Variants in COL27A1 observed in about 807,000 individuals in gnomAD.
The protein encoded by COL27A1 is collagen type XXVII alpha 1 chain, also known as collagen alpha-1(XXVII) chain.
In COL27A1, 106 loss-of-function variants were observed where a neutral mutation model predicts 251.3. That is an observed-to-expected ratio of 0.42 (90% confidence interval 0.36 to 0.50). The LOEUF (loss-of-function observed/expected upper bound fraction) is 0.50. Among genes scored for constraint, COL27A1 ranks in the 20% least tolerant of loss-of-function variants. The probability of loss-of-function intolerance (pLI) is 0.00; values close to 1 mark genes in which losing one functional copy is unlikely to be tolerated. For missense variants in COL27A1, 2,325 were observed against 2,522.8 expected (o/e 0.92, Z 1.68); for synonymous variants, 1,000 against 986.3 (o/e 1.01, Z -0.26).
chr9:114,161,960 G>A lies in COL27A1; in HGVS notation c.63-755G>A, dbSNP rs572942525. ...CTTATTGAATCCTCATGCCCGGCCT[G>A]TGAGATAGGGAATATCAGCCCATGT... On this transcript the variant is annotated intron_variant, in intron 1 of 60. Transcript: ENST00000356083. 4.6e-5 allele frequency among the ~76,000 whole-genome samples: 7 copies of A among 152,358 alleles called. No homozygotes were observed. The South Asian group carries it at 1.5e-3, about 32-fold the overall frequency.
chr9:114,269,948 T>C (rs1385540178), intron 35 of COL27A1, among the ~76,000 whole-genome samples: 1 of 152,154 alleles, frequency 6.6e-6, no homozygotes, highest in African/African-American at 2.4e-5. Context: ...CAAACTTAAT[T>C]TGATGGCCAT....
At chr9:114,162,271 T>C (rs552282163) in intron 1 of COL27A1, among the ~76,000 whole-genome samples, 1 of 151,728 alleles carries the variant, frequency 6.6e-6, no homozygotes. Flanking sequence ...CTGCTGCCCA[T>C]TGGCTGGGGT....
intron 59 of COL27A1, 48 bp downstream of exon 59, chr9:114,307,826 C>G (rs781302579): frequency 2.1e-6 from 3 of 1,414,622 alleles, no homozygotes; most frequent in South Asian, 1.2e-5. Flanking sequence ...GCCTCTATCC[C>G]CAGCCTGCCC....
intron 11 of COL27A1, 42 bp from the exon 12 acceptor site, chr9:114,210,940 C>T (rs745629240): frequency 6.2e-6 from 10 of 1,610,156 alleles, no homozygotes; most frequent in Non-Finnish European, 8.5e-6. Context: ...GCTGTCCCTG[C>T]TGGCATCCTG....
At chr9:114,222,176 G>A (rs1439211008) in intron 13 of COL27A1, 47 bp from the exon 14 acceptor site, 1 of 1,577,884 alleles carries the variant, frequency 6.3e-7, no homozygotes, top group Admixed American at 1.7e-5. Flanking sequence ...GAGGGGCCCT[G>A]GAGGGAGATG....
upstream of COL27A1, among the ~76,000 whole-genome samples, chr9:114,154,497 C>A (rs1359092674): frequency 6.6e-6 from 1 of 151,604 alleles, no homozygotes; most frequent in African/African-American, 2.4e-5. The surrounding 1 kb of genome is among the most constrained non-coding windows in gnomAD (Gnocchi z 5.8). Context: ...TGCACATGTG[C>A]GGTGGGCACT....
At chr9:114,187,197 C>G (rs1250530366) in intron 5 of COL27A1, among the ~76,000 whole-genome samples, 1 of 152,292 alleles carries the variant, frequency 6.6e-6, no homozygotes, top group Non-Finnish European at 1.5e-5. Flanking sequence ...AGGCCCTGTG[C>G]TGGGCACTTG....
intron 32 of COL27A1, among the ~76,000 whole-genome samples, chr9:114,265,883 C>G (rs1834709253): frequency 6.6e-6 from 1 of 152,194 alleles, no homozygotes; most frequent in African/African-American, 2.4e-5. Context: ...CAGGAGGAGG[C>G]AGCAGGCTCC....
At chr9:114,164,337 A>G (rs911582419) in intron 2 of COL27A1, among the ~76,000 whole-genome samples, 1 of 152,216 alleles carries the variant, frequency 6.6e-6, no homozygotes, top group Non-Finnish European at 1.5e-5. Flanking sequence ...GCCCTTTCCT[A>G]TGCCCTGCAG....
intron 58 of COL27A1, chr9:114,307,098 G>C: frequency 5.1e-6 from 1 of 196,094 alleles, no homozygotes; most frequent in South Asian, 9.4e-5. Context: ...TTCTGCCTCA[G>C]ACTTGGTCTG....
At chr9:114,226,903 T>C (rs559852948) in intron 14 of COL27A1, among the ~76,000 whole-genome samples, 1 of 152,144 alleles carries the variant, frequency 6.6e-6, no homozygotes, top group African/African-American at 2.4e-5. Flanking sequence ...ATGGTCAGTG[T>C]CAGAAGGGCC....
At position 114,168,704 on chromosome 9, in the gene COL27A1, A is replaced by G; in HGVS notation, c.1149A>G (p.Lys383=). The G allele has an allele frequency of 6.2e-7, 1 of 1,614,038 alleles. No homozygotes were observed. Among genetic ancestry groups the G allele is most frequent in the Non-Finnish European group, 8.5e-7 (1 of 1,180,016 alleles). ...SAPSTSIVPI[K]SPHPTQKTAP... ...CTTCTACTTCAATTGTGCCCATCAAAAGCCCCCATCCTACCCAGAAAACAG... is the reference window on the plus strand; with the variant it reads ...CTTCTACTTCAATTGTGCCCATCAAGAGCCCCCATCCTACCCAGAAAACAG... The change falls in exon 3 of 61, where the codon AAA becomes AAG. Residue 383 remains lysine, a synonymous_variant. Coordinates refer to ENST00000356083, the MANE Select transcript of COL27A1 (RefSeq NM_032888.4).
intron 59 of COL27A1, among the ~76,000 whole-genome samples, chr9:114,308,935 C>T (rs1490285777): frequency 1.3e-5 from 2 of 152,200 alleles, no homozygotes; most frequent in African/African-American, 4.8e-5. Context: ...GCAAAACCCT[C>T]TCCCTCGCTG....
Position 114,302,067 on chromosome 9 carries a change from A to AG in COL27A1, c.4846-14dup, listed in dbSNP as rs779216056. The stretch of plus-strand genomic sequence containing the variant: ...TGTCCCTGTCATTTGACTGACCCGC[A>AG]GTCTTCTTTTGCAGGGTCCTCCAGG... On this transcript the variant is annotated splice_polypyrimidine_tract_variant and intron_variant, in intron 55 of 60. Transcript: ENST00000356083. 8.1e-5 allele frequency: 130 copies of AG among 1,610,462 alleles called. No individual in the cohort carries two copies. Among genetic ancestry groups the AG allele is most frequent in the Non-Finnish European group, 1.1e-4 (128 of 1,177,026 alleles).
intron 38 of COL27A1, 43 bp downstream of exon 38, chr9:114,282,373 C>G (rs757859284): frequency 1.9e-6 from 3 of 1,611,710 alleles, no homozygotes; most frequent in South Asian, 1.1e-5. Context: ...GTCCCTCCCC[C>G]GCATCCCTTC....
intron 32 of COL27A1, among the ~76,000 whole-genome samples, chr9:114,265,813 G>C (rs1424298981): frequency 6.6e-6 from 1 of 152,242 alleles, no homozygotes; most frequent in African/African-American, 2.4e-5. Context: ...AAACGAACAA[G>C]CTGACCGGGA....
intron 13 of COL27A1, 27 bp downstream of exon 13, chr9:114,219,871 G>T (rs1002487211): frequency 1.3e-6 from 2 of 1,563,036 alleles, no homozygotes; most frequent in East Asian, 4.5e-5. Flanking sequence ...TTTGGGAACA[G>T]GAGCGAGATT....
At chr9:114,295,252 A>G (rs1025755882) in intron 49 of COL27A1, among the ~76,000 whole-genome samples, 18 of 152,276 alleles carry the variant, frequency 1.2e-4, no homozygotes, top group African/African-American at 4.3e-4. Flanking sequence ...CAACATATGT[A>G]CACTGAGAAC....
At chr9:114,190,423 A>C (rs1228659336) in intron 5 of COL27A1, among the ~76,000 whole-genome samples, 1 of 152,168 alleles carries the variant, frequency 6.6e-6, no homozygotes, top group Non-Finnish European at 1.5e-5. Flanking sequence ...GGTGTGCACC[A>C]CCACACCCAG....
Sources: gnomAD v4.1 joint callset for allele counts (sites outside exome capture counted in the v4.1 genomes callset) on GRCh38, gnomAD v4.1.1 for gene constraint, Gnocchi (gnomAD v3.1) non-coding constraint, MANE v1.5 for transcripts, NCBI Gene and HGNC (gene_info 2026-07-23, HGNC 2026-07-21) for gene names.